PDE4D: variants seen among roughly 807,000 people sequenced by gnomAD.
The protein encoded by PDE4D is phosphodiesterase 4D.
Under a neutral mutation model 87.4 loss-of-function variants are expected in PDE4D, and 24 were observed. The observed-to-expected ratio is 0.27, with a 90% CI of 0.20 to 0.39. The LOEUF (loss-of-function observed/expected upper bound fraction) is 0.39, where lower values mean the gene tolerates loss of function less well. PDE4D is among the 10% of genes least tolerant of loss of function. The pLI, the probability that PDE4D is intolerant of heterozygous loss-of-function variation, is 1.00. For missense variants in PDE4D, 714 were observed against 1,041.0 expected, an observed-to-expected ratio of 0.69 and a Z score of 4.32; for synonymous variants, 384 against 383.2, an observed-to-expected ratio of 1.00 and a Z score of -0.02.
At chr5:59,519,837 T>C (rs754977522) in intron 1 of PDE4D, among the ~76,000 whole-genome samples, 79 of 152,188 alleles carry the variant, frequency 5.2e-4, no homozygotes, top group Middle Eastern at 6.8e-3. Context: ...GAGAGAACAG[T>C]CATGTGGGAA....
intron 1 of PDE4D, among the ~76,000 whole-genome samples, chr5:60,431,697 G>C (rs1355652137): frequency 1.3e-5 from 2 of 152,322 alleles, no homozygotes; most frequent in Middle Eastern, 3.4e-3. Context: ...CTGCAATCTC[G>C]ACACTTTGGG....
At chr5:59,922,166 C>CCCATTCCAGCAGT (rs1754750059) in intron 3 of PDE4D, among the ~76,000 whole-genome samples, 1 of 152,126 alleles carries the variant, frequency 6.6e-6, no homozygotes, top group African/African-American at 2.4e-5. Context: ...CCAGCCCTAG[C>CCCATTCCAGCAGT]CAGAGTGAAA....
Position 58,973,089 on chromosome 5 carries a change from T to G in PDE4D, c.*1575A>C, listed in dbSNP as rs1470833816. 1 of 152,210 alleles carries G rather than the reference T, an allele frequency of 6.6e-6. No homozygotes were observed. Among genetic ancestry groups the G allele is most frequent in the Non-Finnish European group, 1.5e-5 (1 of 68,026 alleles). The allele number at this position is 152,210 out of a possible 1,614,324, so 9.4% of individuals were successfully genotyped here. A position where few individuals can be genotyped will look rare whatever the true frequency, so the allele number is the denominator to read the frequency against. Reference sequence around the variant, plus strand: ...ACTTAAAACCGTTTCTCAGGGATGTTCCTGATATAGTTCTTAATCCCATGG... The same window carrying G: ...ACTTAAAACCGTTTCTCAGGGATGTGCCTGATATAGTTCTTAATCCCATGG... On this transcript the variant is annotated 3_prime_UTR_variant, in exon 15 of 15. Transcript: ENST00000340635.
At chr5:59,080,896 T>A (rs961231652) in intron 5 of PDE4D, among the ~76,000 whole-genome samples, 1 of 152,180 alleles carries the variant, frequency 6.6e-6, no homozygotes, top group Non-Finnish European at 1.5e-5. Context: ...TATGACTAAC[T>A]AGGTAAAATC....
chr5:59,428,121 G>T (rs1398523174), intron 1 of PDE4D, among the ~76,000 whole-genome samples: 2 of 152,048 alleles, frequency 1.3e-5, no homozygotes, highest in Non-Finnish European at 2.9e-5. Context: ...TGATCATGTG[G>T]TCATGTGTCT....
chr5:60,081,169 A>T (rs1773895298), intron 2 of PDE4D, among the ~76,000 whole-genome samples: 1 of 151,624 alleles, frequency 6.6e-6, no homozygotes. Flanking sequence ...ATTTGCATAG[A>T]AGTGTTTATA....
intron 1 of PDE4D, among the ~76,000 whole-genome samples, chr5:59,603,461 G>C (rs1245355664): frequency 6.6e-6 from 1 of 151,946 alleles, no homozygotes; most frequent in East Asian, 1.9e-4. Context: ...CTTCATACTT[G>C]TTAGAATGGC....
intron 1 of PDE4D, among the ~76,000 whole-genome samples, chr5:59,249,297 T>C (rs957419028): frequency 2.0e-5 from 3 of 152,184 alleles, no homozygotes; most frequent in African/African-American, 7.2e-5. Flanking sequence ...GATAAAGATT[T>C]TTTTTAATGA....
intron 1 of PDE4D, among the ~76,000 whole-genome samples, chr5:60,478,985 G>A (rs938654698): frequency 1.1e-4 from 17 of 152,104 alleles, no homozygotes; most frequent in African/African-American, 4.1e-4. Flanking sequence ...CTCCTTTTGT[G>A]GCAAGCATAG....
rs766422630 is a variant in PDE4D, at chr5:58,975,949, G to T, written c.1831-110C>A. On this transcript the variant is annotated intron_variant, in intron 13 of 14. Coordinates refer to ENST00000340635, the MANE Select transcript of PDE4D (RefSeq NM_001104631.2). The surrounding 1 kb of genome is among the most constrained non-coding windows in gnomAD (Gnocchi z 4.2). ...ATGACTGCAACACTTAAAAATACAC[G>T]TAGTGTAAGATTTATTCCAAACAGC... 17 of 775,070 alleles carry T rather than the reference G, an allele frequency of 2.2e-5. No individual in the cohort carries two copies. The highest frequency in any genetic ancestry group is 3.3e-5 in the Non-Finnish European group (17 of 520,536). 48.0% of individuals were successfully genotyped at this position (775,070 alleles called of 1,614,324 possible).
chr5:59,390,431 G>A lies in PDE4D; in HGVS notation c.456-174463C>T, dbSNP rs140153583. ...TATATGTTAATGTTTTTGTGTGAGT[G>A]GATTGATGAATGGATGTTTCAGACA... On this transcript the variant is annotated intron_variant, in intron 1 of 14. Transcript: ENST00000340635. Among the ~76,000 whole-genome samples, 475 of 152,152 alleles carry A rather than the reference G, an allele frequency of 3.1e-3. 2 individuals carry two copies. Among genetic ancestry groups the A allele is most frequent in the African/African-American group, 0.011 (464 of 41,522 alleles).
intron 1 of PDE4D, among the ~76,000 whole-genome samples, chr5:60,499,986 CT>C: frequency 6.6e-6 from 1 of 151,996 alleles, no homozygotes; most frequent in Non-Finnish European, 1.5e-5. Context: ...TGCTTCTTTT[CT>C]TTTTTTCTCC....
intron 1 of PDE4D, among the ~76,000 whole-genome samples, chr5:59,289,387 G>A (rs1277280063): frequency 5.3e-5 from 8 of 151,610 alleles, no homozygotes; most frequent in Non-Finnish European, 1.2e-4. Flanking sequence ...ATTAAAACAC[G>A]CCACCAGAGA....
chr5:59,989,426 C>T (rs930300048), intron 2 of PDE4D, among the ~76,000 whole-genome samples: 1 of 151,972 alleles, frequency 6.6e-6, no homozygotes, highest in Non-Finnish European at 1.5e-5. Flanking sequence ...ATCTTTCTTA[C>T]ATGCATGCCC....
At chr5:59,627,357 G>T (rs1165338213) in intron 1 of PDE4D, among the ~76,000 whole-genome samples, 3 of 152,146 alleles carry the variant, frequency 2.0e-5, no homozygotes, top group Non-Finnish European at 4.4e-5. Context: ...AGTAATAGAG[G>T]TTATTTAAAA....
chr5:59,240,879 A>T (rs1757525959), intron 1 of PDE4D, among the ~76,000 whole-genome samples: 1 of 152,134 alleles, frequency 6.6e-6, no homozygotes, highest in African/African-American at 2.4e-5. Flanking sequence ...GGAGTTAGAT[A>T]ACCTGGCCTA....
intron 2 of PDE4D, among the ~76,000 whole-genome samples, chr5:60,075,842 G>T (rs1031748044): frequency 6.6e-6 from 1 of 151,998 alleles, no homozygotes; most frequent in Admixed American, 6.5e-5. Flanking sequence ...TTTGTACTGT[G>T]TTTTTTCAGC....
At chr5:60,206,590 A>G (rs1006958309) in intron 1 of PDE4D, among the ~76,000 whole-genome samples, 30 of 152,276 alleles carry the variant, frequency 2.0e-4, no homozygotes, top group African/African-American at 7.2e-4. Context: ...AATTTCAAAT[A>G]TAACAGAAGC....
chr5:59,226,904 T>C (rs1370106997), intron 1 of PDE4D, among the ~76,000 whole-genome samples: 1 of 152,182 alleles, frequency 6.6e-6, no homozygotes, highest in African/African-American at 2.4e-5. Flanking sequence ...GGCAATTTCA[T>C]GCAGGTGTCA....
Sources: allele counts gnomAD v4.1 joint callset (sites outside exome capture counted in the v4.1 genomes callset), GRCh38; gene constraint gnomAD v4.1.1; non-coding constraint Gnocchi (gnomAD v3.1); transcripts MANE v1.5; gene names NCBI Gene and HGNC (gene_info 2026-07-23, HGNC 2026-07-21).